Variants in FAM234B observed in about 807,000 individuals in gnomAD.
The protein encoded by FAM234B is family with sequence similarity 234 member B, also known as protein FAM234B.
Under a neutral mutation model 69.3 loss-of-function variants are expected in FAM234B, and 33 were observed. The observed-to-expected ratio is 0.48, with a 90% CI of 0.36 to 0.64. FAM234B has a LOEUF of 0.64. FAM234B is among the 30% of genes least tolerant of loss of function. The pLI is 0.00. For synonymous variants in FAM234B, 306 were observed against 306.9 expected (o/e 1.00, Z 0.03); for missense variants, 697 against 769.7 (o/e 0.91, Z 1.12).
chr12:13,074,926 A>C (rs1295073547), intron 10 of FAM234B, among the ~76,000 whole-genome samples: 1 of 152,192 alleles, frequency 6.6e-6, no homozygotes, highest in East Asian at 1.9e-4. Context: ...GGCCCAAGGT[A>C]GTCCCAGGGG....
intron 3 of FAM234B, among the ~76,000 whole-genome samples, chr12:13,061,096 C>T (rs372607182): frequency 3.3e-5 from 5 of 152,216 alleles, no homozygotes; most frequent in East Asian, 1.9e-4. Context: ...TTGCTCCCCG[C>T]GCTGCACACG....
rs749926424 is a variant in FAM234B, at chr12:13,076,089, C to T, written c.1588C>T (p.Pro530Ser). The change falls in exon 11 of 13, where the codon CCC becomes TCC. Residue 530 changes from proline (P) to serine (S), a missense_variant. Transcript: ENST00000197268. Reference sequence around the variant, plus strand: ...CCTTTACCTCCTGCATCCTGCGTTCCCCTCCATCCTTCTGGATCTGGCCAA... The same window carrying T: ...CCTTTACCTCCTGCATCCTGCGTTCTCCTCCATCCTTCTGGATCTGGCCAA... The part of the protein sequence containing the change: ...HHLYLLHPAF[P>S]SILLDLANTT... 14 of 1,614,086 alleles carry T rather than the reference C, an allele frequency of 8.7e-6. No homozygotes were observed. Among genetic ancestry groups the T allele is most frequent in the Non-Finnish European group, 1.2e-5 (14 of 1,180,040 alleles).
intron 1 of FAM234B, among the ~76,000 whole-genome samples, chr12:13,052,329 G>T (rs930269620): frequency 6.6e-6 from 1 of 152,032 alleles, no homozygotes; most frequent in African/African-American, 2.4e-5. Flanking sequence ...TTGGGATAGG[G>T]GTGGGGATAG....
chr12:13,069,562 A>G (rs1299060707), intron 9 of FAM234B, among the ~76,000 whole-genome samples: 3 of 152,220 alleles, frequency 2.0e-5, no homozygotes, highest in Non-Finnish European at 4.4e-5. Flanking sequence ...AGGTTCGCAC[A>G]GGGGTCCACC....
intron 1 of FAM234B, among the ~76,000 whole-genome samples, chr12:13,049,165 T>C (rs1864845814): frequency 2.0e-5 from 3 of 152,334 alleles, no homozygotes; most frequent in African/African-American, 4.8e-5. Context: ...ACATAGTTGT[T>C]ATGAAGATTT....
chr12:13,076,590 C>A lies in FAM234B; in HGVS notation c.1642+447C>A, dbSNP rs570116609. ...TTGCCAGGGCATTGATTTAGAAAAC[C>A]TTTTTTTGAATATAACTGTGCACCC... On this transcript the variant is annotated intron_variant, in intron 11 of 12. Transcript: ENST00000197268. Among the ~76,000 whole-genome samples the A allele has an allele frequency of 2.6e-5, 4 of 152,240 alleles. No homozygotes were observed. In the South Asian group the frequency reaches 8.3e-4, roughly 32 times the overall value.
chr12:13,064,414 C>T (rs750179889), intron 5 of FAM234B, among the ~76,000 whole-genome samples: 5 of 152,114 alleles, frequency 3.3e-5, no homozygotes, highest in Non-Finnish European at 7.4e-5. Flanking sequence ...GTTTTTAAGT[C>T]GTGATTGAAT....
At chr12:13,074,365 G>A (rs1041324724) in intron 10 of FAM234B, among the ~76,000 whole-genome samples, 1 of 152,228 alleles carries the variant, frequency 6.6e-6, no homozygotes, top group African/African-American at 2.4e-5. Flanking sequence ...TTACATGGAA[G>A]CACAAAAGAA....
At chr12:13,075,880 A>G in intron 10 of FAM234B, 146 bp from the exon 11 acceptor site, 1 of 717,676 alleles carries the variant, frequency 1.4e-6, no homozygotes, top group Non-Finnish European at 2.5e-6. Context: ...AGTTTCTTTC[A>G]AACACATTCT....
intron 10 of FAM234B, among the ~76,000 whole-genome samples, chr12:13,075,051 C>A (rs956491897): frequency 3.9e-5 from 6 of 152,152 alleles, no homozygotes; most frequent in Non-Finnish European, 7.3e-5. Context: ...AGTCTCAAGT[C>A]CCATCCCCAC....
At chr12:13,053,608 G>A (rs766107210) in intron 1 of FAM234B, among the ~76,000 whole-genome samples, 5 of 152,140 alleles carry the variant, frequency 3.3e-5, no homozygotes, top group African/African-American at 9.7e-5. Flanking sequence ...CAAAGATCAC[G>A]TGCTTCAAAG....
At chr12:13,048,191 T>A (rs1450709912) in intron 1 of FAM234B, among the ~76,000 whole-genome samples, 1 of 152,244 alleles carries the variant, frequency 6.6e-6, no homozygotes, top group African/African-American at 2.4e-5. Context: ...GGACATCAAA[T>A]TGCATGTTCT....
rs770421738 is a variant in FAM234B at position 13,055,681 on chromosome 12, A to G, written c.168A>G (p.Glu56=). The G allele has an allele frequency of 1.9e-5, 30 of 1,614,124 alleles. No individual in the cohort carries two copies. Among genetic ancestry groups the G allele is most frequent in the Non-Finnish European group, 2.5e-5 (29 of 1,180,056 alleles). The stretch of plus-strand genomic sequence containing the variant: ...AAAATGGGAAGAGTCCTTTGGGAGA[A>G]GCGCCAGAACCCGACTCAGATGCTG... ...GVKNGKSPLG[E]APEPDSDAEV... is the part of the protein sequence containing the mutation. The change falls in exon 2 of 13, where the codon GAA becomes GAG. Residue 56 remains glutamate (E), a synonymous_variant. Transcript: ENST00000197268.
chr12:13,067,402 G>C lies in FAM234B; in HGVS notation c.1142+106G>C. 1 of 1,167,274 alleles carries C rather than the reference G, an allele frequency of 8.6e-7. No homozygotes were observed. The highest frequency in any genetic ancestry group is 1.2e-6 in the Non-Finnish European group (1 of 803,144). The allele number at this position is 1,167,274 out of a possible 1,614,324, so 72.3% of individuals were successfully genotyped here. ...TGGTGAATATGTGGGTAGAGGTTTA[G>C]GGGAAACAGTGCTTATCTTAATTTA... On this transcript the variant is annotated intron_variant, in intron 7 of 12. Transcript: ENST00000197268. This position sits in a 1 kb window ranked among gnomAD's most constrained non-coding sequence, Gnocchi z 4.7.
rs139728687 is a variant in FAM234B, at chr12:13,055,684, G to T, written c.171G>T (p.Ala57=). 20 of 1,614,224 alleles carry T rather than the reference G, an allele frequency of 1.2e-5. No individual in the cohort carries two copies. Among genetic ancestry groups the T allele is most frequent in the Non-Finnish European group, 1.6e-5 (19 of 1,180,038 alleles). The change falls in exon 2 of 13, where the codon GCG becomes GCT. Residue 57 remains alanine, a synonymous_variant. Transcript: ENST00000197268. ...ATGGGAAGAGTCCTTTGGGAGAAGCGCCAGAACCCGACTCAGATGCTGAGG... is the reference window on the plus strand; with the variant it reads ...ATGGGAAGAGTCCTTTGGGAGAAGCTCCAGAACCCGACTCAGATGCTGAGG... The part of the protein sequence containing the change: ...VKNGKSPLGE[A]PEPDSDAEVA...
chr12:13,058,468 T>C lies in FAM234B; in HGVS notation c.451T>C (p.Leu151=), dbSNP rs751845151. ...GSQGGGDLSP[L]ELADVNGDGL... ...TATAACAGGTGGGGACCTGTCTCCATTGGAATTGGCTGATGTGAATGGAGA... is the reference window on the plus strand; with the variant it reads ...TATAACAGGTGGGGACCTGTCTCCACTGGAATTGGCTGATGTGAATGGAGA... The change falls in exon 3 of 13, where the codon TTG becomes CTG. Residue 151 remains leucine, a synonymous_variant. Coordinates refer to ENST00000197268, the MANE Select transcript of FAM234B (RefSeq NM_020853.2). The C allele has an allele frequency of 5.0e-6, 8 of 1,614,108 alleles. No individual in the cohort carries two copies. The East Asian group carries it at 8.9e-5, about 18-fold the overall frequency.
At chr12:13,049,610 A>C (rs1473308520) in intron 1 of FAM234B, among the ~76,000 whole-genome samples, 1 of 152,204 alleles carries the variant, frequency 6.6e-6, no homozygotes, top group African/African-American at 2.4e-5. Flanking sequence ...CTCTGTTTTC[A>C]GCAATATCTG....
intron 1 of FAM234B, 130 bp from the exon 2 acceptor site, chr12:13,055,421 A>C (rs1354308924): frequency 6.7e-6 from 6 of 890,862 alleles, no homozygotes; most frequent in Non-Finnish European, 9.8e-6. Context: ...CCAAGGTTCA[A>C]ACTTGATGTA....
At chr12:13,047,884 G>A (rs73292792) in intron 1 of FAM234B, among the ~76,000 whole-genome samples, 9 of 151,882 alleles carry the variant, frequency 5.9e-5, no homozygotes, top group Non-Finnish European at 1.3e-4. Flanking sequence ...TTTAAGGCAA[G>A]TTGGTGGACG....
Sources: gnomAD v4.1 joint callset for allele counts (sites outside exome capture counted in the v4.1 genomes callset) on GRCh38, gnomAD v4.1.1 for gene constraint, Gnocchi (gnomAD v3.1) non-coding constraint, MANE v1.5 for transcripts, NCBI Gene and HGNC (gene_info 2026-07-23, HGNC 2026-07-21) for gene names.